Variants in MMS22L observed in about 807,000 individuals in gnomAD.
MMS22L encodes protein MMS22-like.
MMS22L carries 74 observed loss-of-function variants against 159.1 expected under a neutral mutation model. That is an observed-to-expected ratio of 0.47 (90% CI 0.39 to 0.56). MMS22L has a LOEUF of 0.56. Among genes scored for constraint, MMS22L ranks in the 20% least tolerant of loss-of-function variants. The probability of loss-of-function intolerance (pLI) is 0.00; values close to 1 mark genes in which losing one functional copy is unlikely to be tolerated. For missense variants in MMS22L, 1,351 were observed against 1,422.1 expected (o/e 0.95, Z 0.80); for synonymous variants, 517 against 506.9 (o/e 1.02, Z -0.27).
At position 97,283,212 on chromosome 6, in the gene MMS22L, G is replaced by A. The variant is rs1816934837; in HGVS notation, c.-193C>T. ...CCCGCCACCGCGCGCCCGCGCTCCG[G>A]AAAGGCGGGGCCACGGCGCAGCCCT... On this transcript the variant is annotated 5_prime_UTR_variant, in exon 1 of 25. Transcript: ENST00000683635. The A allele has an allele frequency of 6.6e-6, 1 of 152,300 alleles. No individual in the cohort carries two copies. Among genetic ancestry groups the A allele is most frequent in the African/African-American group, 2.4e-5 (1 of 41,472 alleles). 9.4% of individuals were successfully genotyped at this position (152,300 alleles called of 1,614,324 possible).
rs1490493923 is a variant in MMS22L, at chr6:97,278,832, A to C, written c.340+17T>G. 6.2e-7 allele frequency: 1 copy of C among 1,610,072 alleles called. No individual in the cohort carries two copies. The highest frequency in any genetic ancestry group is 1.1e-5 in the South Asian group (1 of 90,204). ...GAAGCACCATTCCCTTTTGCATTAA[A>C]CACACCTTAAACTTACCAAAATCAC... On this transcript the variant is annotated intron_variant, in intron 4 of 24. Transcript: ENST00000683635.
chr6:97,169,831 A>G (rs989916666), intron 19 of MMS22L, among the ~76,000 whole-genome samples: 1 of 152,124 alleles, frequency 6.6e-6, no homozygotes, highest in Non-Finnish European at 1.5e-5. Flanking sequence ...GGTGCAATAC[A>G]GGTATGTTTC....
intron 14 of MMS22L, among the ~76,000 whole-genome samples, chr6:97,202,848 T>C (rs1807324391): frequency 6.6e-6 from 1 of 152,194 alleles, no homozygotes; most frequent in African/African-American, 2.4e-5. Context: ...ATACTCTTAA[T>C]CACCAACATT....
intron 8 of MMS22L, chr6:97,267,517 A>T (rs1036251282): frequency 6.5e-6 from 1 of 154,654 alleles, no homozygotes; most frequent in Non-Finnish European, 1.4e-5. Flanking sequence ...ATTACACAAC[A>T]GTAATACAAT....
In MMS22L at chr6:97,246,942, T is replaced by C. The variant is rs538922948; in HGVS notation, c.1120-252A>G. Among the ~76,000 whole-genome samples the C allele has an allele frequency of 4.6e-5, 7 of 151,928 alleles. 1 individual carries two copies. In the East Asian group the frequency reaches 1.4e-3, roughly 29 times the overall value. ...GGTGCTTCAGTAAGATTATAAATAT[T>C]CTACCAAATATTTAATTTCTGCTTT... On this transcript the variant is annotated intron_variant, in intron 10 of 24. Transcript: ENST00000683635.
chr6:97,249,265 A>G (rs1419150337), intron 10 of MMS22L, among the ~76,000 whole-genome samples: 3 of 152,212 alleles, frequency 2.0e-5, no homozygotes, highest in Non-Finnish European at 4.4e-5. Flanking sequence ...CATTAAGAGA[A>G]AACAATAGAA....
chr6:97,147,559 T>C (rs1800977773), intron 24 of MMS22L, among the ~76,000 whole-genome samples: 1 of 152,154 alleles, frequency 6.6e-6, no homozygotes, highest in South Asian at 2.1e-4. Context: ...TGCATTAGGG[T>C]GGTTCACACA....
At chr6:97,277,361 C>T (rs1419870414) in intron 4 of MMS22L, among the ~76,000 whole-genome samples, 1 of 151,948 alleles carries the variant, frequency 6.6e-6, no homozygotes, top group African/African-American at 2.4e-5. Flanking sequence ...TTGCAGTGGG[C>T]CAAAATCATG....
rs185440777 is a variant in MMS22L at position 97,220,402 on chromosome 6, T to C, written c.2039+8492A>G. ...GTAATGAAATGTTCTAAAATAGTGG[T>C]GATGGGTACAAAACAACTATGAATA... On this transcript the variant is annotated intron_variant, in intron 14 of 24. Transcript: ENST00000683635. Among the ~76,000 whole-genome samples the C allele has an allele frequency of 7.4e-3, 1,120 of 152,274 alleles. 40 individuals are homozygous for C. Among genetic ancestry groups the C allele is most frequent in the Admixed American group, 0.063 (967 of 15,282 alleles).
intron 14 of MMS22L, among the ~76,000 whole-genome samples, chr6:97,221,317 G>C (rs1020547135): frequency 6.6e-6 from 1 of 151,862 alleles, no homozygotes; most frequent in Non-Finnish European, 1.5e-5. Context: ...ATTTAGATAG[G>C]GACTGAAAAA....
chr6:97,240,302 C>T (rs1185866276), intron 11 of MMS22L, among the ~76,000 whole-genome samples: 3 of 152,168 alleles, frequency 2.0e-5, no homozygotes, highest in Admixed American at 6.5e-5. Flanking sequence ...ATATTATAAT[C>T]GCCTCTTTTC....
intron 14 of MMS22L, among the ~76,000 whole-genome samples, chr6:97,199,699 GT>G (rs915751386): frequency 1.9e-4 from 28 of 144,698 alleles, no homozygotes; most frequent in South Asian, 4.4e-4. Context: ...ATAGTGACTT[GT>G]TTTTTTTTTT....
intron 3 of MMS22L, 51 bp from the exon 4 acceptor site, chr6:97,278,949 T>C (rs1289198750): frequency 2.0e-6 from 3 of 1,497,168 alleles, no homozygotes; most frequent in Non-Finnish European, 2.8e-6. Flanking sequence ...CTTTAAAGCA[T>C]GTAACAATTA....
chr6:97,150,042 T>C (rs374274367), intron 23 of MMS22L, 22 bp from the exon 24 acceptor site: 42 of 1,606,652 alleles, frequency 2.6e-5, no homozygotes, highest in Middle Eastern at 3.3e-4. Context: ...ACAGGTTTAT[T>C]TAGGATTACT....
intron 11 of MMS22L, among the ~76,000 whole-genome samples, 165 bp downstream of exon 11, chr6:97,246,463 T>A (rs1229210607): frequency 6.6e-6 from 1 of 152,250 alleles, no homozygotes; most frequent in Non-Finnish European, 1.5e-5. Context: ...GTGTTAAAAA[T>A]CTTTAAAGAA....
chr6:97,142,937 C>A lies in MMS22L; in HGVS notation c.*3869G>T, dbSNP rs1198277917. On this transcript the variant is annotated 3_prime_UTR_variant, in exon 25 of 25. Coordinates refer to ENST00000683635, the MANE Select transcript of MMS22L (RefSeq NM_001350599.2). ...GCTGAGGTAGAAAAAGTCAAATATGCTTAAGAAGAAAACATACGAAGGATA... is the reference window on the plus strand; with the variant it reads ...GCTGAGGTAGAAAAAGTCAAATATGATTAAGAAGAAAACATACGAAGGATA... 2 of 152,380 alleles carry A rather than the reference C, an allele frequency of 1.3e-5. No individual in the cohort carries two copies. Among genetic ancestry groups the A allele is most frequent in the African/African-American group, 4.8e-5 (2 of 41,410 alleles). The allele number at this position is 152,380 out of a possible 1,614,324, so 9.4% of individuals were successfully genotyped here. A position where few individuals can be genotyped will look rare whatever the true frequency, so the allele number is the denominator to read the frequency against.
intron 9 of MMS22L, chr6:97,258,708 T>A (rs1396886666): frequency 6.6e-6 from 1 of 152,132 alleles, no homozygotes; most frequent in Admixed American, 6.5e-5. Context: ...AGAATACAAA[T>A]ATAATAGATT....
chr6:97,281,471 A>G, intron 2 of MMS22L, 109 bp from the exon 3 acceptor site: 1 of 904,316 alleles, frequency 1.1e-6, no homozygotes, highest in Non-Finnish European at 1.6e-6. Flanking sequence ...ATGTATAAAA[A>G]GTCAGAAAAT....
At position 97,173,121 on chromosome 6, in the gene MMS22L, C is replaced by T. The variant is rs778737764; in HGVS notation, c.2781G>A (p.Lys927=). The T allele has an allele frequency of 7.4e-6, 12 of 1,613,480 alleles. No individual in the cohort carries two copies. The South Asian group carries it at 1.2e-4, about 16-fold the overall frequency. ...EYLGEVLKYI[K]PYLGKKVFSA... ...TGAAAACTTTTTTTCCCAAATAAGG[C>T]TTAATATATTTTAATACTTCACCAA... Residue 927 remains lysine (K), a synonymous_variant, in exon 19 of 25, where the codon AAG becomes AAA. Coordinates refer to ENST00000683635, the MANE Select transcript of MMS22L (RefSeq NM_001350599.2).
Sources: allele counts gnomAD v4.1 joint callset (sites outside exome capture counted in the v4.1 genomes callset), GRCh38; gene constraint gnomAD v4.1.1; transcripts MANE v1.5; gene names NCBI Gene and HGNC (gene_info 2026-07-23, HGNC 2026-07-21).